Variants in CDH13 observed in about 807,000 individuals in gnomAD.
CDH13 encodes cadherin-13.
A neutral mutation model predicts 63.8 loss-of-function variants in CDH13; 24 were observed. The observed-to-expected ratio is 0.38, with a 90% confidence interval of 0.27 to 0.53. The LOEUF is 0.53. CDH13 is among the 20% of genes least tolerant of loss of function. The pLI is 0.85. For missense variants in CDH13, 1,049 were observed against 903.1 expected (o/e 1.16, Z -2.07); for synonymous variants, 503 against 355.3 (o/e 1.42, Z -4.67).
intron 1 of CDH13, among the ~76,000 whole-genome samples, chr16:82,787,409 T>G (rs1319701353): frequency 1.1e-4 from 16 of 152,186 alleles, no homozygotes. Context: ...TTTCATTATT[T>G]GGAAGAAATT....
chr16:83,075,993 A>C (rs2151551542), intron 3 of CDH13, among the ~76,000 whole-genome samples: 1 of 152,332 alleles, frequency 6.6e-6, no homozygotes, highest in Admixed American at 6.5e-5. Flanking sequence ...AGGGGAAAAT[A>C]ATCTAAATGT....
rs747494049 is a variant in CDH13 at position 83,080,229 on chromosome 16, TC to T, written c.367-45155del. On this transcript the variant is annotated intron_variant, in intron 3 of 13. Transcript: ENST00000567109. ...AGCTCATTCTTCAGTTGGAGGTGGT[TC>T]AGGGCCCCATGTTGCTCAAATTGGT... Among the ~76,000 whole-genome samples the T allele has an allele frequency of 1.2e-3, 181 of 152,192 alleles. 1 individual carries two copies. The highest frequency in any genetic ancestry group is 9.8e-3 in the South Asian group (47 of 4,806).
At chr16:83,342,643 G>A (rs1409789996) in intron 5 of CDH13, among the ~76,000 whole-genome samples, 2 of 152,066 alleles carry the variant, frequency 1.3e-5, no homozygotes, top group African/African-American at 4.8e-5. Context: ...CTTAGTTTCT[G>A]TCTTTCTTTC....
At chr16:83,167,044 A>G (rs2037706846) in intron 4 of CDH13, among the ~76,000 whole-genome samples, 1 of 152,144 alleles carries the variant, frequency 6.6e-6, no homozygotes, top group Non-Finnish European at 1.5e-5. Context: ...GAAAATAAAC[A>G]TACTATATAA....
chr16:82,801,676 C>A (rs915414917), intron 1 of CDH13, among the ~76,000 whole-genome samples: 1 of 152,230 alleles, frequency 6.6e-6, no homozygotes, highest in African/African-American at 2.4e-5. Flanking sequence ...CCTGGAAATG[C>A]TGGGTCAGCC....
At chr16:82,772,223 T>C (rs937691445) in intron 1 of CDH13, among the ~76,000 whole-genome samples, 2 of 152,122 alleles carry the variant, frequency 1.3e-5, no homozygotes, top group Admixed American at 6.5e-5. Flanking sequence ...CATTACAAAT[T>C]AGGGCTCCCT....
chr16:82,826,864 G>T (rs1170827604), intron 1 of CDH13, among the ~76,000 whole-genome samples: 1 of 152,164 alleles, frequency 6.6e-6, no homozygotes, highest in Non-Finnish European at 1.5e-5. Flanking sequence ...GAAGGGTGAG[G>T]CAGGTTTTCA....
intron 8 of CDH13, among the ~76,000 whole-genome samples, chr16:83,621,222 C>A (rs545286767): frequency 6.6e-6 from 1 of 152,260 alleles, no homozygotes; most frequent in East Asian, 1.9e-4. Context: ...CCAGTAGAGC[C>A]CACTATTCAG....
At chr16:83,562,681 A>T (rs2075729877) in intron 7 of CDH13, among the ~76,000 whole-genome samples, 2 of 152,150 alleles carry the variant, frequency 1.3e-5, no homozygotes, top group African/African-American at 4.8e-5. Flanking sequence ...AACGTTTTTG[A>T]TGTCTGTTAC....
intron 7 of CDH13, among the ~76,000 whole-genome samples, chr16:83,514,623 C>A (rs1428251228): frequency 1.3e-5 from 2 of 152,066 alleles, no homozygotes; most frequent in Admixed American, 1.3e-4. Flanking sequence ...CCGGCCTGGG[C>A]AACAGAGTGA....
At chr16:82,821,339 G>A (rs2151095712) in intron 1 of CDH13, among the ~76,000 whole-genome samples, 1 of 152,306 alleles carries the variant, frequency 6.6e-6, no homozygotes, top group Admixed American at 6.5e-5. Context: ...ATTGGCATAA[G>A]GCTATTTTTA....
intron 7 of CDH13, among the ~76,000 whole-genome samples, chr16:83,596,596 G>C (rs1907281571): frequency 6.6e-6 from 1 of 152,122 alleles, no homozygotes; most frequent in Non-Finnish European, 1.5e-5. Context: ...GAGGGATACA[G>C]AATTAAAAAT....
chr16:83,307,073 G>A (rs1254594484), intron 5 of CDH13, among the ~76,000 whole-genome samples: 1 of 152,122 alleles, frequency 6.6e-6, no homozygotes, highest in Non-Finnish European at 1.5e-5. Flanking sequence ...AGCTACAGTT[G>A]GGTGGGGCTG....
At chr16:82,664,004 C>G (rs1053873020) in intron 1 of CDH13, among the ~76,000 whole-genome samples, 6 of 152,178 alleles carry the variant, frequency 3.9e-5, no homozygotes, top group African/African-American at 9.7e-5. Context: ...CCACTTCTGC[C>G]TTTGTAGCTG....
At chr16:82,717,640 C>T (rs894386872) in intron 1 of CDH13, among the ~76,000 whole-genome samples, 3 of 152,140 alleles carry the variant, frequency 2.0e-5, no homozygotes, top group Non-Finnish European at 2.9e-5. Context: ...GTCCCATGAC[C>T]TTTTGTGTCC....
At chr16:83,321,223 T>C (rs2090216823) in intron 5 of CDH13, among the ~76,000 whole-genome samples, 2 of 152,228 alleles carry the variant, frequency 1.3e-5, no homozygotes. Context: ...AACGTGCTAA[T>C]TCAGGTCAGA....
At chr16:83,500,599 G>A (rs893992397) in intron 7 of CDH13, among the ~76,000 whole-genome samples, 5 of 95,846 alleles carry the variant, frequency 5.2e-5, no homozygotes, top group South Asian at 4.3e-4. Flanking sequence ...TTGAGATGGC[G>A]TCTCACTCTG....
At chr16:83,414,519 C>T (rs1482069908) in intron 6 of CDH13, among the ~76,000 whole-genome samples, 1 of 152,046 alleles carries the variant, frequency 6.6e-6, no homozygotes, top group East Asian at 1.9e-4. Flanking sequence ...ATTGCTAGAA[C>T]CCCTTCATCT....
intron 4 of CDH13, among the ~76,000 whole-genome samples, chr16:83,158,237 CTCTT>C: frequency 6.6e-6 from 1 of 152,154 alleles, no homozygotes. Flanking sequence ...ATAAAAGTTT[CTCTT>C]TCTTTATGTT....
Sources: gnomAD v4.1 joint callset for allele counts (sites outside exome capture counted in the v4.1 genomes callset) on GRCh38, gnomAD v4.1.1 for gene constraint, MANE v1.5 for transcripts, NCBI Gene and HGNC (gene_info 2026-07-23, HGNC 2026-07-21) for gene names.